KCTD8: variants seen among roughly 807,000 people sequenced by gnomAD.
KCTD8 encodes the protein potassium channel tetramerization domain containing 8, also known as BTB/POZ domain-containing protein KCTD8.
KCTD8 carries 27 observed loss-of-function variants against 31.5 expected under a neutral mutation model. The ratio of observed to expected loss-of-function variants is 0.86; its 90% confidence interval spans 0.63 to 1.18. KCTD8 has a LOEUF of 1.18. Ranked by LOEUF, KCTD8 falls within the 50% of genes most tolerant of loss-of-function variation. KCTD8 has a pLI of 0.00. For synonymous variants in KCTD8, 290 were observed against 280.0 expected, an observed-to-expected ratio of 1.04 and a Z score of -0.36; for missense variants, 658 against 647.7, an observed-to-expected ratio of 1.02 and a Z score of -0.17.
intron 1 of KCTD8, among the ~76,000 whole-genome samples, chr4:44,357,857 A>G (rs1043553116): frequency 2.6e-5 from 4 of 151,830 alleles, no homozygotes; most frequent in African/African-American, 9.7e-5. Context: ...GTATCAGCAC[A>G]GTAGTTATTC....
chr4:44,192,515 C>G (rs1228871411), intron 1 of KCTD8, among the ~76,000 whole-genome samples: 1 of 146,736 alleles, frequency 6.8e-6, no homozygotes, highest in Non-Finnish European at 1.5e-5. Context: ...CACACACACA[C>G]AGAACTGATA....
intron 1 of KCTD8, among the ~76,000 whole-genome samples, chr4:44,394,896 G>C (rs1251774602): frequency 6.6e-6 from 1 of 152,086 alleles, no homozygotes; most frequent in Non-Finnish European, 1.5e-5. Flanking sequence ...TCTTGTTCCA[G>C]TGACTCGACA....
At chr4:44,362,500 G>A (rs142105450) in intron 1 of KCTD8, among the ~76,000 whole-genome samples, 2 of 152,142 alleles carry the variant, frequency 1.3e-5, no homozygotes, top group East Asian at 1.9e-4. Context: ...ATAATAATAT[G>A]AGCAGGGTAG....
intron 1 of KCTD8, among the ~76,000 whole-genome samples, chr4:44,213,788 C>A (rs1042138494): frequency 6.6e-6 from 1 of 152,052 alleles, no homozygotes; most frequent in Non-Finnish European, 1.5e-5. Context: ...GGACATACAA[C>A]CCAAAATATG....
chr4:44,202,868 A>C (rs1411882915), intron 1 of KCTD8, among the ~76,000 whole-genome samples: 1 of 152,196 alleles, frequency 6.6e-6, no homozygotes, highest in Non-Finnish European at 1.5e-5. Context: ...ATAATTGTAA[A>C]ATTGAAAATT....
At chr4:44,289,793 C>T (rs938145591) in intron 1 of KCTD8, among the ~76,000 whole-genome samples, 4 of 152,264 alleles carry the variant, frequency 2.6e-5, no homozygotes, top group East Asian at 1.9e-4. Context: ...TGCAGTGGAA[C>T]GTGGCCACAG....
Position 44,235,577 on chromosome 4 carries a change from TTAGAGAGAG to T in KCTD8, c.962-60336_962-60328del, listed in dbSNP as rs1560402144. ...TATATATATATATATATATATATAT[TTAGAGAGAG>T]AGAGAGAGAGAGAGAGAGTATGAGT... On this transcript the variant is annotated intron_variant, in intron 1 of 1. Transcript: ENST00000360029. Among the ~76,000 whole-genome samples, 32 of 38,926 alleles carry T rather than the reference TTAGAGAGAG, an allele frequency of 8.2e-4. 1 individual carries two copies. The highest frequency in any genetic ancestry group is 2.5e-3 in the African/African-American group (24 of 9,658). The allele number at this position is 38,926 out of a possible 152,430, so 25.5% of individuals were successfully genotyped here.
intron 1 of KCTD8, among the ~76,000 whole-genome samples, chr4:44,422,200 T>C (rs2109471478): frequency 6.6e-6 from 1 of 152,254 alleles, no homozygotes; most frequent in African/African-American, 2.4e-5. Context: ...AAGGAAATGA[T>C]AGAAAGTGCT....
intron 1 of KCTD8, among the ~76,000 whole-genome samples, chr4:44,308,485 GAAAAAACTATGCATA>G (rs1560422043): frequency 6.6e-6 from 1 of 151,988 alleles, no homozygotes; most frequent in Non-Finnish European, 1.5e-5. Context: ...CAGCAAGTAA[GAAAAAACTATGCATA>G]ATTTAACCCA....
chr4:44,186,396 CA>C (rs1437758205), intron 1 of KCTD8, among the ~76,000 whole-genome samples: 1 of 152,242 alleles, frequency 6.6e-6, no homozygotes, highest in South Asian at 2.1e-4. Context: ...AACTTGCACT[CA>C]TGCTCCAAGC....
At chr4:44,384,311 G>A (rs1720152644) in intron 1 of KCTD8, among the ~76,000 whole-genome samples, 1 of 151,858 alleles carries the variant, frequency 6.6e-6, no homozygotes, top group Non-Finnish European at 1.5e-5. Flanking sequence ...TCCTACCGCT[G>A]GGTGTGTATT....
Position 44,447,741 on chromosome 4 carries a change from C to A in KCTD8, c.783G>T (p.Gln261His). Residue 261 changes from glutamine (Q) to histidine (H), a missense_variant, in exon 1 of 2, where the codon CAG (glutamine) becomes CAT (histidine). Gln to His is a conservative substitution (Grantham distance 24). Coordinates refer to ENST00000360029, the MANE Select transcript of KCTD8 (RefSeq NM_198353.3). ...TLNESRDPDRQPEKYTSRFYL... is the reference protein window; with the variant it reads ...TLNESRDPDRHPEKYTSRFYL... ...AGAAGCGGGACGTGTACTTCTCCGGCTGCCGGTCGGGGTCGCGGCTCTCGT... is the reference window on the plus strand; with the variant it reads ...AGAAGCGGGACGTGTACTTCTCCGGATGCCGGTCGGGGTCGCGGCTCTCGT... The A allele has an allele frequency of 6.2e-7, 1 of 1,612,326 alleles. No individual in the cohort carries two copies. The highest frequency in any genetic ancestry group is 1.1e-5 in the South Asian group (1 of 90,662).
At chr4:44,314,731 A>T (rs909982731) in intron 1 of KCTD8, among the ~76,000 whole-genome samples, 1 of 152,036 alleles carries the variant, frequency 6.6e-6, no homozygotes, top group Admixed American at 6.6e-5. Flanking sequence ...TATTTAAAAG[A>T]TTGTGGATAT....
chr4:44,232,836 A>T (rs184295386), intron 1 of KCTD8, among the ~76,000 whole-genome samples: 52 of 152,140 alleles, frequency 3.4e-4, no homozygotes, highest in Admixed American at 2.4e-3. Context: ...TATTTAAATA[A>T]ACTAGTATTA....
At chr4:44,225,752 T>G (rs1714938973) in intron 1 of KCTD8, among the ~76,000 whole-genome samples, 2 of 151,918 alleles carry the variant, frequency 1.3e-5, no homozygotes, top group African/African-American at 4.8e-5. Context: ...AGATTTGTTA[T>G]GTACATATAC....
chr4:44,435,227 T>C (rs1191925260), intron 1 of KCTD8, among the ~76,000 whole-genome samples: 2 of 151,978 alleles, frequency 1.3e-5, no homozygotes, highest in Non-Finnish European at 2.9e-5. Context: ...TCTTTTATGC[T>C]CACATCATTC....
Position 44,174,937 on chromosome 4 carries a change from C to A in KCTD8, c.1275G>T (p.Leu425=). The change falls in exon 2 of 2, where the codon CTG becomes CTT. Residue 425 remains leucine, a synonymous_variant. Coordinates refer to ENST00000360029, the MANE Select transcript of KCTD8 (RefSeq NM_198353.3). ...TLISKSRETN[L]SKKKVCEKLS... ...GCTTCTCACAGACTTTCTTTTTGGA[C>A]AGATTTGTTTCCCGGGACTTGCTGA... 1 of 1,614,062 alleles carries A rather than the reference C, an allele frequency of 6.2e-7. No individual in the cohort carries two copies. The highest frequency in any genetic ancestry group is 8.5e-7 in the Non-Finnish European group (1 of 1,179,978).
At chr4:44,297,546 C>T (rs1041708282) in intron 1 of KCTD8, among the ~76,000 whole-genome samples, 5 of 152,056 alleles carry the variant, frequency 3.3e-5, no homozygotes, top group Admixed American at 1.3e-4. Flanking sequence ...CTACCATTAA[C>T]TTGCACTTTA....
At chr4:44,182,198 C>T (rs1340718847) in intron 1 of KCTD8, among the ~76,000 whole-genome samples, 2 of 148,052 alleles carry the variant, frequency 1.4e-5, no homozygotes, top group Non-Finnish European at 1.5e-5. Context: ...GCCGGCCGAC[C>T]CGTCCGGGAG....
Sources: gnomAD v4.1 joint callset for allele counts (sites outside exome capture counted in the v4.1 genomes callset) on GRCh38, gnomAD v4.1.1 for gene constraint, MANE v1.5 for transcripts, NCBI Gene and HGNC (gene_info 2026-07-23, HGNC 2026-07-21) for gene names.